The following MAP3K6 variants were observed in gnomAD, a reference collection of about 807,000 sequenced individuals.
MAP3K6 encodes mitogen-activated protein kinase kinase kinase 6.
A neutral mutation model predicts 147.1 loss-of-function variants in MAP3K6; 105 were observed. The observed-to-expected ratio is 0.71, with a 90% CI of 0.61 to 0.84. The LOEUF (loss-of-function observed/expected upper bound fraction) is 0.84, where lower values mean the gene tolerates loss of function less well. MAP3K6 is among the 40% of genes least tolerant of loss of function. The probability of loss-of-function intolerance (pLI) is 0.00; values close to 1 mark genes in which losing one functional copy is unlikely to be tolerated. For missense variants in MAP3K6, 1,569 were observed against 1,715.0 expected (o/e 0.91, Z 1.50); for synonymous variants, 695 against 732.4 (o/e 0.95, Z 0.82).
chr1:27,364,655 G>C lies in MAP3K6; in HGVS notation c.504+6C>G, dbSNP rs192213707. ...CACTTTTGAGTGAGAGGTGGATTCTGCTCACCGAGTTCTTCTGGAAAACAT... is the reference window on the plus strand; with the variant it reads ...CACTTTTGAGTGAGAGGTGGATTCTCCTCACCGAGTTCTTCTGGAAAACAT... On this transcript the variant is annotated splice_donor_region_variant and intron_variant, in intron 3 of 28. Transcript: ENST00000357582. This position sits in a 1 kb window ranked among gnomAD's most constrained non-coding sequence, Gnocchi z 4.4. 2.5e-6 allele frequency: 4 copies of C among 1,614,022 alleles called. No individual in the cohort carries two copies. In the African/African-American group the frequency reaches 4.0e-5, roughly 16 times the overall value.
In MAP3K6 at chr1:27,360,573, C is replaced by A. The variant is rs1488389165; in HGVS notation, c.2054+132G>T. 7.7e-6 allele frequency: 11 copies of A among 1,422,574 alleles called. No homozygotes were observed. Among genetic ancestry groups the A allele is most frequent in the Non-Finnish European group, 1.0e-5 (11 of 1,072,158 alleles). The allele number at this position is 1,422,574 out of a possible 1,614,324, so 88.1% of individuals were successfully genotyped here. Reference sequence around the variant, plus strand: ...TGGCTGTTCCGCCCACGGGCCCAGTCCACAGGGCTCGAACTCTCAGGTCCT... The same window carrying A: ...TGGCTGTTCCGCCCACGGGCCCAGTACACAGGGCTCGAACTCTCAGGTCCT... On this transcript the variant is annotated intron_variant, in intron 15 of 28. Transcript: ENST00000357582. This position sits in a 1 kb window ranked among gnomAD's most constrained non-coding sequence, Gnocchi z 4.5.
chr1:27,364,474 A>C lies in MAP3K6; in HGVS notation c.505-80T>G. On this transcript the variant is annotated intron_variant, in intron 3 of 28. Coordinates refer to ENST00000357582, the MANE Select transcript of MAP3K6 (RefSeq NM_004672.5). The surrounding 1 kb of genome is among the most constrained non-coding windows in gnomAD (Gnocchi z 4.4). ...AAGGGGAGTGAGAGCATCAAAGGTCAGCATCAGTGGGAATTGGAATCGCAG... is the reference window on the plus strand; with the variant it reads ...AAGGGGAGTGAGAGCATCAAAGGTCCGCATCAGTGGGAATTGGAATCGCAG... 1.3e-6 allele frequency: 2 copies of C among 1,569,928 alleles called. No individual in the cohort carries two copies. Among genetic ancestry groups the C allele is most frequent in the Non-Finnish European group, 1.8e-6 (2 of 1,142,474 alleles).
At position 27,364,153 on chromosome 1, in the gene MAP3K6, A is replaced by G. The variant is rs12727507; in HGVS notation, c.695+51T>C. The stretch of plus-strand genomic sequence containing the variant: ...GCCTGTACCTCAGCCCCAGCCCACC[A>G]TACCCTCACCAGCCCCCTCCTGGAG... On this transcript the variant is annotated intron_variant, in intron 4 of 28. Transcript: ENST00000357582. This position sits in a 1 kb window ranked among gnomAD's most constrained non-coding sequence, Gnocchi z 4.4. The G allele has an allele frequency of 0.35, 558,279 of 1,598,692 alleles. 104,839 individuals are homozygous for G. Among genetic ancestry groups the G allele is most frequent in the African/African-American group, 0.67 (50,386 of 74,780 alleles).
chr1:27,360,632 C>G lies in MAP3K6; in HGVS notation c.2054+73G>C. On this transcript the variant is annotated intron_variant, in intron 15 of 28. Coordinates refer to ENST00000357582, the MANE Select transcript of MAP3K6 (RefSeq NM_004672.5). The surrounding 1 kb of genome is among the most constrained non-coding windows in gnomAD (Gnocchi z 4.5). ...GCCCACTAGGCCCCGCCCACAGGAG[C>G]CGCTCCGCTCGTGGCCCGGCTCACT... 1.3e-6 allele frequency: 2 copies of G among 1,531,080 alleles called. No individual in the cohort carries two copies. The highest frequency in any genetic ancestry group is 1.8e-6 in the Non-Finnish European group (2 of 1,142,302). 94.8% of individuals were successfully genotyped at this position (1,531,080 alleles called of 1,614,324 possible).
Position 27,364,933 on chromosome 1 carries a change from G to A in MAP3K6, c.341-21C>T. On this transcript the variant is annotated intron_variant, in intron 1 of 28. Transcript: ENST00000357582. This position sits in a 1 kb window ranked among gnomAD's most constrained non-coding sequence, Gnocchi z 4.4. ...CACATCTGCAGGCACAGAGGGGGTG[G>A]CGCTGATCCCTGAAGCCCAGCTTGA... The A allele has an allele frequency of 3.2e-6, 5 of 1,560,680 alleles. No homozygotes were observed. The highest frequency in any genetic ancestry group is 4.4e-6 in the Non-Finnish European group (5 of 1,149,292).
rs1483303440 is a variant in MAP3K6, at chr1:27,366,662, G to A, written c.-65C>T. 2.9e-6 allele frequency: 3 copies of A among 1,032,332 alleles called. No individual in the cohort carries two copies. The highest frequency in any genetic ancestry group is 5.7e-5 in the Admixed American group (1 of 17,624). The allele number at this position is 1,032,332 out of a possible 1,614,324, so 63.9% of individuals were successfully genotyped here. ...CGGGGGCGGGGCAGGAGCCTGGGCCGGCAGATCAGGAATCTTGGGATCTGG... is the reference window on the plus strand; with the variant it reads ...CGGGGGCGGGGCAGGAGCCTGGGCCAGCAGATCAGGAATCTTGGGATCTGG... On this transcript the variant is annotated 5_prime_UTR_variant, in exon 1 of 29. Transcript: ENST00000357582. This position sits in a 1 kb window ranked among gnomAD's most constrained non-coding sequence, Gnocchi z 5.5.
In MAP3K6 at chr1:27,361,815, T is replaced by C; in HGVS notation, c.1468A>G (p.Thr490Ala). ...GGTGGCCCTCCAGGGGGCTCTGGCG[T>C]GGGCCTGAAGTGCTGGTAGAGCAGG... is the stretch of plus-strand genomic sequence containing the variant. ...TFLLYQHFRP[T>A]PEPPGGPPRR... The change falls in exon 10 of 29, where the codon ACG (threonine) becomes GCG (alanine). Residue 490 changes from threonine to alanine, a missense_variant. Physicochemically the swap from Thr to Ala is moderately conservative, Grantham distance 58. Transcript: ENST00000357582. 1 of 1,605,018 alleles carries C rather than the reference T, an allele frequency of 6.2e-7. No individual in the cohort carries two copies. The highest frequency in any genetic ancestry group is 8.5e-7 in the Non-Finnish European group (1 of 1,175,248).
At chr1:27,356,253 G>A in intron 26 of MAP3K6, 135 bp downstream of exon 26, 3 of 1,091,578 alleles carry the variant, frequency 2.7e-6, no homozygotes, top group Non-Finnish European at 4.0e-6. Flanking sequence ...AAGCTGCCTC[G>A]AACCCACCAA....
rs1452830891 is a variant in MAP3K6 at position 27,360,761 on chromosome 1, G to A, written c.1998C>T (p.Arg666=). Residue 666 remains arginine, a synonymous_variant, in exon 15 of 29, where the codon CGC becomes CGT. Transcript: ENST00000357582. The surrounding 1 kb of genome is among the most constrained non-coding windows in gnomAD (Gnocchi z 4.5). ...KGTYGVVYAG[R]DRHTRVRIAI... Reference sequence around the variant, plus strand: ...CGATGCGCACCCTCGTGTGGCGATCGCGGCCCGCGTACACCACCCCATACG... The same window carrying A: ...CGATGCGCACCCTCGTGTGGCGATCACGGCCCGCGTACACCACCCCATACG... The A allele has an allele frequency of 6.2e-7, 1 of 1,612,614 alleles. No individual in the cohort carries two copies. The highest frequency in any genetic ancestry group is 8.5e-7 in the Non-Finnish European group (1 of 1,179,858).
rs1161070707 is a variant in MAP3K6 at position 27,363,524 on chromosome 1, C to G, written c.889G>C (p.Val297Leu). 1 of 1,612,730 alleles carries G rather than the reference C, an allele frequency of 6.2e-7. No individual in the cohort carries two copies. ...GTGGGCAAGGCCTGCAGCGTCTCCA[C>G]CAGCTCAATGATGGCCGAGTAGTCC... ...VQDYSAIIEL[V>L]ETLQALPTCD... The change falls in exon 6 of 29, where the codon GTG (valine) becomes CTG (leucine). Residue 297 changes from valine (V) to leucine (L), a missense_variant. Transcript: ENST00000357582.
In MAP3K6 at chr1:27,361,210, G is replaced by T. The variant is rs960124734; in HGVS notation, c.1779C>A (p.Leu593=). ...ACAGCTGGACGTCCTGAGCCGGGGG[G>T]AGTGCATAGAGGAAGCAGCAGCGCT... The part of the protein sequence containing the change: ...RDERCCFLYA[L]PPAQDVQLCF... Residue 593 remains leucine, a synonymous_variant, in exon 13 of 29, where the codon CTC becomes CTA. Coordinates refer to ENST00000357582, the MANE Select transcript of MAP3K6 (RefSeq NM_004672.5). The T allele has an allele frequency of 4.3e-6, 7 of 1,613,114 alleles. No individual in the cohort carries two copies. The highest frequency in any genetic ancestry group is 5.9e-6 in the Non-Finnish European group (7 of 1,179,860).
intron 9 of MAP3K6, 55 bp from the exon 10 acceptor site, chr1:27,361,922 G>A (rs1303823701): frequency 3.3e-6 from 5 of 1,496,812 alleles, no homozygotes; most frequent in Non-Finnish European, 4.5e-6. Context: ...GCACTGCCAG[G>A]GAGAGGAAAC....
intron 8 of MAP3K6, 36 bp downstream of exon 8, chr1:27,362,605 G>A: frequency 6.8e-7 from 1 of 1,478,298 alleles, no homozygotes; most frequent in Non-Finnish European, 9.2e-7. Context: ...CGGAACCCCT[G>A]TGGGTGACGA....
chr1:27,362,788 AT>A, intron 7 of MAP3K6, 35 bp from the exon 8 acceptor site: 1 of 1,609,850 alleles, frequency 6.2e-7, no homozygotes, highest in Non-Finnish European at 8.5e-7. Context: ...GGCTGGACTG[AT>A]GCCCACAGCA....
intron 13 of MAP3K6, 39 bp downstream of exon 13, chr1:27,361,118 C>T: frequency 6.4e-7 from 1 of 1,566,222 alleles, no homozygotes. Context: ...CCCGGGCATC[C>T]TGGCCCTCAG....
At position 27,366,620 on chromosome 1, in the gene MAP3K6, C is replaced by T. The variant is rs561571447; in HGVS notation, c.-23G>A. 703 of 1,078,536 alleles carry T rather than the reference C, an allele frequency of 6.5e-4. 1 individual carries two copies. The highest frequency in any genetic ancestry group is 4.6e-3 in the Middle Eastern group (11 of 2,392). 66.8% of individuals were successfully genotyped at this position (1,078,536 alleles called of 1,614,324 possible). ...CATGCGGGGGCGCTCAGGCGCGGGG[C>T]GCCGCGCACTGGGAACCGGGGGCGG... On this transcript the variant is annotated 5_prime_UTR_variant, in exon 1 of 29. Coordinates refer to ENST00000357582, the MANE Select transcript of MAP3K6 (RefSeq NM_004672.5). The surrounding 1 kb of genome is among the most constrained non-coding windows in gnomAD (Gnocchi z 5.5).
At chr1:27,356,157 G>A in intron 26 of MAP3K6, 58 bp from the exon 27 acceptor site, 1 of 1,490,536 alleles carries the variant, frequency 6.7e-7, no homozygotes, top group Non-Finnish European at 9.4e-7. Flanking sequence ...AAGCTGCCTC[G>A]AACCCACCAA....
rs1173418163 is a variant in MAP3K6 at position 27,360,712 on chromosome 1, C to T, written c.2047G>A (p.Asp683Asn). The T allele has an allele frequency of 6.2e-7, 1 of 1,611,628 alleles. No homozygotes were observed. The highest frequency in any genetic ancestry group is 1.7e-5 in the Admixed American group (1 of 59,958). The change falls in exon 15 of 29, where the codon GAC becomes AAC. Residue 683 changes from aspartate to asparagine, a missense_variant. Asp to Asn is a conservative substitution (Grantham distance 23). Transcript: ENST00000357582. This position sits in a 1 kb window ranked among gnomAD's most constrained non-coding sequence, Gnocchi z 4.5. ...RIAIKEIPER[D>N]SRFSQPLHEE... is the part of the protein sequence containing the mutation. ...CGCTGCCACGCACCGCACCTGCTGTCCCGCTCCGGGATCTCCTTGATGGCG... is the reference window on the plus strand; with the variant it reads ...CGCTGCCACGCACCGCACCTGCTGTTCCGCTCCGGGATCTCCTTGATGGCG...
At chr1:27,365,471 C>T (rs535292292) in intron 1 of MAP3K6, among the ~76,000 whole-genome samples, 36 of 152,182 alleles carry the variant, frequency 2.4e-4, no homozygotes, top group South Asian at 1.7e-3. Context: ...GTCGGGTCAG[C>T]CTTCATTTTA....
Sources: gnomAD v4.1 joint callset for allele counts (sites outside exome capture counted in the v4.1 genomes callset) on GRCh38, gnomAD v4.1.1 for gene constraint, Gnocchi (gnomAD v3.1) non-coding constraint, MANE v1.5 for transcripts, NCBI Gene and HGNC (gene_info 2026-07-23, HGNC 2026-07-21) for gene names.